MNDA: variants seen among roughly 807,000 people sequenced by gnomAD.
MNDA encodes the protein epididymis secretory sperm binding protein.
Under a neutral mutation model 37.8 loss-of-function variants are expected in MNDA, and 43 were observed. That is an observed-to-expected ratio of 1.14 (90% confidence interval 0.89 to 1.47). The LOEUF (loss-of-function observed/expected upper bound fraction) is 1.47, where lower values mean the gene tolerates loss of function less well. Among genes scored for constraint, MNDA ranks in the 40% most tolerant of loss-of-function variants. The pLI, the probability that MNDA is intolerant of heterozygous loss-of-function variation, is 0.00. For synonymous variants in MNDA, 181 were observed against 169.0 expected (o/e 1.07, Z -0.55); for missense variants, 536 against 476.0 (o/e 1.13, Z -1.17).
At chr1:158,840,435 A>G (rs553824325) in intron 1 of MNDA, among the ~76,000 whole-genome samples, 16 of 152,306 alleles carry the variant, frequency 1.1e-4, no homozygotes, top group Admixed American at 1.3e-4. Context: ...TTATAAAACC[A>G]TAGATCTCAT....
chr1:158,837,885 T>C (rs1009934359), intron 1 of MNDA, among the ~76,000 whole-genome samples: 1 of 151,862 alleles, frequency 6.6e-6, no homozygotes, highest in Non-Finnish European at 1.5e-5. Context: ...CCTACAGATA[T>C]CTCTGTGGTC....
intron 1 of MNDA, among the ~76,000 whole-genome samples, chr1:158,837,114 T>G (rs1426495720): frequency 1.3e-5 from 2 of 151,928 alleles, no homozygotes; most frequent in African/African-American, 4.8e-5. Context: ...GGCATCCTAA[T>G]TTGTGGTATA....
Position 158,834,672 on chromosome 1 carries a change from G to A in MNDA, c.-21+3115G>A, listed in dbSNP as rs1362679459. Reference sequence around the variant, plus strand: ...TGTTGTTGTTGTTGCCTGTGCCATCGGTGTCATGTCCAAGAAACCCATTGC... The same window carrying A: ...TGTTGTTGTTGTTGCCTGTGCCATCAGTGTCATGTCCAAGAAACCCATTGC... On this transcript the variant is annotated intron_variant, in intron 1 of 6. Coordinates refer to ENST00000368141, the MANE Select transcript of MNDA (RefSeq NM_002432.3). Among the ~76,000 whole-genome samples, 4 of 151,958 alleles carry A rather than the reference G, an allele frequency of 2.6e-5. No individual in the cohort carries two copies. In the East Asian group the frequency reaches 5.8e-4, roughly 22 times the overall value.
chr1:158,834,905 T>C (rs1293423905), intron 1 of MNDA, among the ~76,000 whole-genome samples: 1 of 152,198 alleles, frequency 6.6e-6, no homozygotes, highest in Non-Finnish European at 1.5e-5. Flanking sequence ...TTGACGTCCA[T>C]GTCAAAAATC....
intron 1 of MNDA, among the ~76,000 whole-genome samples, chr1:158,841,691 C>T (rs1659030816): frequency 6.6e-6 from 1 of 151,772 alleles, no homozygotes; most frequent in African/African-American, 2.4e-5. Flanking sequence ...TGGCTGCAGC[C>T]CATTTATACT....
intron 4 of MNDA, among the ~76,000 whole-genome samples, chr1:158,845,260 C>G (rs1352635428): frequency 6.6e-6 from 1 of 151,846 alleles, no homozygotes; most frequent in Non-Finnish European, 1.5e-5. Context: ...GTTTTTGAGA[C>G]GGAGTCTCGC....
rs867442322 is a variant in MNDA at position 158,843,393 on chromosome 1, G to A, written c.380G>A (p.Arg127Lys). 1 of 1,610,634 alleles carries A rather than the reference G, an allele frequency of 6.2e-7. No individual in the cohort carries two copies. Among genetic ancestry groups the A allele is most frequent in the Non-Finnish European group, 8.5e-7 (1 of 1,178,400 alleles). ...TARNKLTSEA[R>K]GRIPVAQKRK... ...AGAAACAAACTGACATCGGAAGCAA[G>A]AGGGAGGATTCCTGTAGCTCAGGTA... The change falls in exon 3 of 7, where the codon AGA (arginine) becomes AAA (lysine). Residue 127 changes from arginine (R) to lysine (K), a missense_variant. By Grantham distance (26) the Arg-to-Lys change is conservative. Transcript: ENST00000368141.
chr1:158,844,802 C>A (rs369981531), intron 4 of MNDA, among the ~76,000 whole-genome samples: 24,515 of 151,860 alleles, frequency 0.16, 2,307 homozygotes, highest in Admixed American at 0.26. Context: ...TTCTGGTGGG[C>A]ATGGTTCTTC....
chr1:158,843,168 C>G, intron 2 of MNDA, 111 bp from the exon 3 acceptor site: 1 of 1,377,386 alleles, frequency 7.3e-7, no homozygotes, highest in Non-Finnish European at 9.8e-7. Flanking sequence ...ACAGGCAAAT[C>G]CGAACTCTCA....
At chr1:158,844,594 C>G (rs1048118305) in intron 4 of MNDA, among the ~76,000 whole-genome samples, 1 of 151,118 alleles carries the variant, frequency 6.6e-6, no homozygotes, top group African/African-American at 2.4e-5. Context: ...TATACACAGT[C>G]GAGGACATAG....
At chr1:158,839,466 C>T (rs993065480) in intron 1 of MNDA, among the ~76,000 whole-genome samples, 1 of 152,188 alleles carries the variant, frequency 6.6e-6, no homozygotes, top group Non-Finnish European at 1.5e-5. Context: ...TCCCATGAAG[C>T]TCTCACAAGC....
intron 1 of MNDA, among the ~76,000 whole-genome samples, chr1:158,835,986 C>G (rs1425507530): frequency 6.6e-6 from 1 of 151,088 alleles, no homozygotes; most frequent in Non-Finnish European, 1.5e-5. Context: ...CCTCATCTTT[C>G]AGGAATAAGA....
intron 2 of MNDA, 132 bp from the exon 3 acceptor site, chr1:158,843,147 C>A (rs1659064839): frequency 1.8e-6 from 2 of 1,138,828 alleles, no homozygotes; most frequent in Non-Finnish European, 1.2e-6. Flanking sequence ...TGGGTTAATG[C>A]AGTAGAGGTA....
chr1:158,844,930 A>T (rs1659102990), intron 4 of MNDA, among the ~76,000 whole-genome samples: 1 of 152,144 alleles, frequency 6.6e-6, no homozygotes, highest in Non-Finnish European at 1.5e-5. Context: ...GTTTCTTCAC[A>T]ACAATGTTTT....
At chr1:158,841,464 G>A (rs776513982) in intron 1 of MNDA, among the ~76,000 whole-genome samples, 2 of 152,154 alleles carry the variant, frequency 1.3e-5, no homozygotes, top group Non-Finnish European at 2.9e-5. Context: ...AAAAACAAAT[G>A]TGCAAAAAAT....
chr1:158,834,406 T>A (rs1041732913), intron 1 of MNDA, among the ~76,000 whole-genome samples: 2 of 152,064 alleles, frequency 1.3e-5, no homozygotes, highest in Non-Finnish European at 2.9e-5. Flanking sequence ...CTAATTTTTG[T>A]ATTTTTAGTA....
intron 1 of MNDA, among the ~76,000 whole-genome samples, chr1:158,841,238 T>A (rs1262393657): frequency 2.6e-5 from 4 of 152,012 alleles, no homozygotes; most frequent in African/African-American, 9.7e-5. Flanking sequence ...TATAAGAAAT[T>A]CAAAAGTAAC....
rs142682404 is a variant in MNDA, at chr1:158,840,324, C to T, written c.-20-1810C>T. 7.7e-3 allele frequency among the ~76,000 whole-genome samples: 1,177 copies of T among 152,202 alleles called. 16 individuals are homozygous for T. Among genetic ancestry groups the T allele is most frequent in the African/African-American group, 0.027 (1,102 of 41,530 alleles). On this transcript the variant is annotated intron_variant, in intron 1 of 6. Coordinates refer to ENST00000368141, the MANE Select transcript of MNDA (RefSeq NM_002432.3). ...GATTTGATTTACTCACAGTTCCGCACGGCTGGGGAGTCCTAAGGAAACTTA... is the reference window on the plus strand; with the variant it reads ...GATTTGATTTACTCACAGTTCCGCATGGCTGGGGAGTCCTAAGGAAACTTA...
intron 1 of MNDA, among the ~76,000 whole-genome samples, chr1:158,835,547 A>G (rs1571651254): frequency 7.2e-6 from 1 of 139,686 alleles, no homozygotes; most frequent in South Asian, 2.2e-4. Context: ...ACCAGTAAAG[A>G]GAGAGAATTT....
Sources: gnomAD v4.1 joint callset for allele counts (sites outside exome capture counted in the v4.1 genomes callset) on GRCh38, gnomAD v4.1.1 for gene constraint, MANE v1.5 for transcripts, NCBI Gene and HGNC (gene_info 2026-07-23, HGNC 2026-07-21) for gene names.